Variants in PLEKHA5 observed in about 807,000 individuals in gnomAD.
PLEKHA5 encodes the protein pleckstrin homology domain containing A5, also known as pleckstrin homology domain-containing family A member 5.
Under a neutral mutation model 181.9 loss-of-function variants are expected in PLEKHA5, and 55 were observed. That is an observed-to-expected ratio of 0.30 (90% CI 0.24 to 0.38). PLEKHA5 has a LOEUF of 0.38. Among genes scored for constraint, PLEKHA5 ranks in the 10% least tolerant of loss-of-function variants. The pLI is 1.00. For synonymous variants in PLEKHA5, 535 were observed against 529.4 expected (o/e 1.01, Z -0.15); for missense variants, 1,432 against 1,549.5 (o/e 0.92, Z 1.27).
At chr12:19,269,223 A>G (rs2071680475) in intron 8 of PLEKHA5, among the ~76,000 whole-genome samples, 1 of 152,094 alleles carries the variant, frequency 6.6e-6, no homozygotes, top group Admixed American at 6.6e-5. Context: ...CCCCGTCTCT[A>G]CTAAAATACA....
In PLEKHA5 at chr12:19,148,189, T is replaced by C. The variant is rs1252076408; in HGVS notation, c.227+15739T>C. On this transcript the variant is annotated intron_variant, in intron 3 of 31. Transcript: ENST00000429027. ...CTCCTGCCTTAGCCTCCTGAGTAGCTGGCATTTCAGGCACCTGCCACCACG... is the reference window on the plus strand; with the variant it reads ...CTCCTGCCTTAGCCTCCTGAGTAGCCGGCATTTCAGGCACCTGCCACCACG... Among the ~76,000 whole-genome samples, 5 of 152,346 alleles carry C rather than the reference T, an allele frequency of 3.3e-5. No individual in the cohort carries two copies. In the East Asian group the frequency reaches 5.8e-4, roughly 18 times the overall value.
At chr12:19,255,676 A>G (rs1354140832) in intron 5 of PLEKHA5, among the ~76,000 whole-genome samples, 1 of 151,862 alleles carries the variant, frequency 6.6e-6, no homozygotes, top group African/African-American at 2.4e-5. Context: ...ATTAAGTAAA[A>G]TAAATCCAAC....
chr12:19,234,987 T>G (rs543268115), intron 3 of PLEKHA5, among the ~76,000 whole-genome samples: 1 of 152,318 alleles, frequency 6.6e-6, no homozygotes, highest in African/African-American at 2.4e-5. Context: ...AAAAGTTGTT[T>G]CATTGACTTC....
intron 31 of PLEKHA5, chr12:19,372,247 C>G (rs991354562): frequency 5.3e-5 from 8 of 152,236 alleles, no homozygotes; most frequent in African/African-American, 1.9e-4. Context: ...GATCCGCCCA[C>G]CTCGGCCTCC....
At chr12:19,169,009 C>A (rs2045264912) in intron 3 of PLEKHA5, among the ~76,000 whole-genome samples, 1 of 152,076 alleles carries the variant, frequency 6.6e-6, no homozygotes, top group South Asian at 2.1e-4. Flanking sequence ...AAGCTACTGG[C>A]ACATGATGGA....
chr12:19,291,940 TTC>T (rs2078561705), intron 15 of PLEKHA5, among the ~76,000 whole-genome samples: 1 of 152,182 alleles, frequency 6.6e-6, no homozygotes, highest in Admixed American at 6.5e-5. Flanking sequence ...AGGGCCTAAA[TTC>T]TCTAGACTTC....
At chr12:19,342,803 A>G (rs946557153) in intron 21 of PLEKHA5, among the ~76,000 whole-genome samples, 1 of 152,054 alleles carries the variant, frequency 6.6e-6, no homozygotes. Flanking sequence ...AAAAAAATAC[A>G]TTTAAACTCT....
intron 3 of PLEKHA5, among the ~76,000 whole-genome samples, chr12:19,242,598 A>G (rs186759189): frequency 3.3e-4 from 50 of 152,284 alleles, no homozygotes; most frequent in Admixed American, 1.2e-3. Flanking sequence ...TTTAAGAAAG[A>G]TAACTTAGAA....
chr12:19,188,996 T>A (rs1040597659), intron 3 of PLEKHA5, among the ~76,000 whole-genome samples: 5 of 152,204 alleles, frequency 3.3e-5, no homozygotes, highest in African/African-American at 1.2e-4. Context: ...GCTGTCAACA[T>A]AGAGCAAAGA....
At chr12:19,324,995 T>C (rs529678173) in intron 20 of PLEKHA5, among the ~76,000 whole-genome samples, 2 of 152,274 alleles carry the variant, frequency 1.3e-5, no homozygotes, top group Non-Finnish European at 2.9e-5. Flanking sequence ...CCTTTCCTTA[T>C]CAACTGGGAT....
chr12:19,132,091 G>A (rs1439182080), intron 2 of PLEKHA5, among the ~76,000 whole-genome samples: 7 of 152,168 alleles, frequency 4.6e-5, no homozygotes, highest in African/African-American at 1.7e-4. Context: ...TTCCACCTGG[G>A]ATGAGAAGGC....
At chr12:19,146,846 C>A (rs1423823441) in intron 3 of PLEKHA5, among the ~76,000 whole-genome samples, 1 of 152,174 alleles carries the variant, frequency 6.6e-6, no homozygotes, top group Non-Finnish European at 1.5e-5. Flanking sequence ...CCTTGACTCT[C>A]TTACCTTAGT....
At chr12:19,357,850 G>A (rs2095035458) in intron 26 of PLEKHA5, among the ~76,000 whole-genome samples, 1 of 151,912 alleles carries the variant, frequency 6.6e-6, no homozygotes, top group Non-Finnish European at 1.5e-5. Flanking sequence ...ATGTTGCCCA[G>A]GCTGGTCTCA....
At chr12:19,336,316 G>A (rs947427601) in intron 20 of PLEKHA5, among the ~76,000 whole-genome samples, 199 bp from the exon 21 acceptor site, 3 of 152,096 alleles carry the variant, frequency 2.0e-5, no homozygotes, top group Admixed American at 2.0e-4. Flanking sequence ...GAAATAAACA[G>A]CAGCACAATA....
rs571301437 is a variant in PLEKHA5 at position 19,358,368 on chromosome 12, C to T, written c.3279C>T (p.Ile1093=). ...AGAAGAAAAAAGGGTTAAATGTTAT[C>T]GGTGCTTCAGACCAGTCACCCTTAC... ...LREKKKGLNV[I]GASDQSPLQS... is the part of the protein sequence containing the mutation. Residue 1093 remains isoleucine (I), a synonymous_variant, in exon 27 of 32, where the codon ATC becomes ATT. Transcript: ENST00000429027. 49 of 1,613,714 alleles carry T rather than the reference C, an allele frequency of 3.0e-5. 1 individual carries two copies. The highest frequency in any genetic ancestry group is 8.0e-5 in the African/African-American group (6 of 74,992).
At chr12:19,326,813 A>G (rs1018150484) in intron 20 of PLEKHA5, among the ~76,000 whole-genome samples, 3 of 152,160 alleles carry the variant, frequency 2.0e-5, no homozygotes, top group African/African-American at 4.8e-5. Flanking sequence ...GTGAGAACAT[A>G]CGGTATTTGG....
At chr12:19,210,340 TG>T (rs1268616252) in intron 3 of PLEKHA5, among the ~76,000 whole-genome samples, 1 of 152,232 alleles carries the variant, frequency 6.6e-6, no homozygotes, top group African/African-American at 2.4e-5. Context: ...AAATCTACTT[TG>T]TAAAGGTAAC....
chr12:19,158,384 TTTAAACTTAGA>T (rs2042257317), intron 3 of PLEKHA5, among the ~76,000 whole-genome samples: 1 of 152,130 alleles, frequency 6.6e-6, no homozygotes, highest in Admixed American at 6.5e-5. Flanking sequence ...TAAACTTAGA[TTTAAACTTAGA>T]CTATGTCCTA....
At position 19,130,385 on chromosome 12, in the gene PLEKHA5, TC is replaced by T. The variant is rs1184226576; in HGVS notation, c.169+261del. On this transcript the variant is annotated intron_variant, in intron 2 of 31. Coordinates refer to ENST00000429027, the MANE Select transcript of PLEKHA5 (RefSeq NM_001256470.2). The surrounding 1 kb of genome is among the most constrained non-coding windows in gnomAD (Gnocchi z 4.5). ...GACGGCGCCCTCTTCCTGCGCCTTC[TC>T]CCCCCATCCCAGCCTAGACGACCCT... Among the ~76,000 whole-genome samples, 1 of 149,632 alleles carries T rather than the reference TC, an allele frequency of 6.7e-6. No homozygotes were observed. Among genetic ancestry groups the T allele is most frequent in the Non-Finnish European group, 1.5e-5 (1 of 67,396 alleles).
Sources: allele counts gnomAD v4.1 joint callset (sites outside exome capture counted in the v4.1 genomes callset), GRCh38; gene constraint gnomAD v4.1.1; non-coding constraint Gnocchi (gnomAD v3.1); transcripts MANE v1.5; gene names NCBI Gene and HGNC (gene_info 2026-07-23, HGNC 2026-07-21).